ATRX: variants seen among roughly 807,000 people sequenced by gnomAD.
ATRX encodes the protein ATRX chromatin remodeler, also known as chromatin remodeler ATRX.
Under a neutral mutation model 172.6 loss-of-function variants are expected in ATRX, and 12 were observed. The observed-to-expected ratio is 0.07, with a 90% CI of 0.04 to 0.11. ATRX has a LOEUF of 0.11. ATRX is among the 10% of genes least tolerant of loss of function. The pLI, the probability that ATRX is intolerant of heterozygous loss-of-function variation, is 1.00. For missense variants in ATRX, 1,368 were observed against 1,767.4 expected, an observed-to-expected ratio of 0.77 and a Z score of 4.05; for synonymous variants, 674 against 594.7, an observed-to-expected ratio of 1.13 and a Z score of -1.94.
chrX:77,570,809 T>A (rs939301179), intron 28 of ATRX, among the ~76,000 whole-genome samples: 4 of 111,350 alleles, frequency 3.6e-5, no homozygotes, highest in Non-Finnish European at 7.5e-5. Flanking sequence ...ACCATATATC[T>A]GACAAAGGAC....
chrX:77,680,072 A>G (rs1189356647), intron 9 of ATRX, among the ~76,000 whole-genome samples: 1 of 112,221 alleles, frequency 8.9e-6, no homozygotes, highest in Non-Finnish European at 1.9e-5. Flanking sequence ...ATTCCTTTAA[A>G]TGTGAATCTT....
chrX:77,508,925 A>G (rs1557035167), intron 34 of ATRX, among the ~76,000 whole-genome samples: 2 of 112,282 alleles, frequency 1.8e-5, no homozygotes, highest in Non-Finnish European at 1.9e-5. Context: ...ATTAGTTACA[A>G]CACTTTTTGT....
At chrX:77,760,171 A>G (rs1557192088) in intron 1 of ATRX, among the ~76,000 whole-genome samples, 1 of 109,122 alleles carries the variant, frequency 9.2e-6, no homozygotes, top group African/African-American at 3.3e-5. Context: ...CCAGTACTCA[A>G]TAGCCACAGA....
intron 1 of ATRX, among the ~76,000 whole-genome samples, chrX:77,741,440 T>G (rs7057296): frequency 0.5 from 50,870 of 101,780 alleles, 12,536 homozygotes; most frequent in Non-Finnish European, 0.67. Flanking sequence ...ACCTTTTTTT[T>G]GGGGGGGGGA....
intron 15 of ATRX, among the ~76,000 whole-genome samples, chrX:77,650,388 A>G (rs1557116085): frequency 8.9e-6 from 1 of 112,086 alleles, no homozygotes; most frequent in East Asian, 2.8e-4. Context: ...AAACTGTACC[A>G]CAGGGATGCA....
At chrX:77,766,813 C>T (rs2075970311) in intron 1 of ATRX, among the ~76,000 whole-genome samples, 1 of 110,320 alleles carries the variant, frequency 9.1e-6, no homozygotes, top group African/African-American at 3.3e-5. Context: ...ACTTCCCAGA[C>T]GGGGTGGCGG....
At chrX:77,716,897 G>A (rs782809873) in intron 2 of ATRX, among the ~76,000 whole-genome samples, 2 of 111,376 alleles carry the variant, frequency 1.8e-5, no homozygotes, top group East Asian at 2.8e-4. Context: ...AACCATAAAT[G>A]CTTCCTTTTC....
At chrX:77,714,375 A>T (rs782092454) in intron 2 of ATRX, among the ~76,000 whole-genome samples, 1 of 111,918 alleles carries the variant, frequency 8.9e-6, no homozygotes, top group East Asian at 2.8e-4. Flanking sequence ...GTAAAATAAC[A>T]AATTTGGGTT....
At chrX:77,763,473 TA>T (rs782021851) in intron 1 of ATRX, among the ~76,000 whole-genome samples, 11,105 of 84,044 alleles carry the variant, frequency 0.13, 1,376 homozygotes, top group African/African-American at 0.35. Flanking sequence ...TTCTTTTTTT[TA>T]AAAAAAAAAA....
At chrX:77,601,675 G>GA (rs2148165616) in intron 22 of ATRX, among the ~76,000 whole-genome samples, 1 of 111,126 alleles carries the variant, frequency 9.0e-6, no homozygotes, top group African/African-American at 3.3e-5. Context: ...TGATTAAAAG[G>GA]AAAAAACAGC....
rs965569902 is a variant in ATRX, at chrX:77,757,792, C to G, written c.20+28190G>C. On this transcript the variant is annotated intron_variant, in intron 1 of 34. Coordinates refer to ENST00000373344, the MANE Select transcript of ATRX (RefSeq NM_000489.6). ...GTTCAAGCCATTCTCCTCCCTCAGC[C>G]TCCCGAGTAGCTGGGATTACAGGCC... 9.2e-5 allele frequency among the ~76,000 whole-genome samples: 10 copies of G among 109,122 alleles called. 1 individual carries two copies. In the Admixed American group the frequency reaches 9.8e-4, roughly 11 times the overall value. The allele number at this position is 109,122 out of a possible 115,157, so 94.8% of individuals were successfully genotyped here. A position where few individuals can be genotyped will look rare whatever the true frequency, so the allele number is the denominator to read the frequency against.
intron 27 of ATRX, among the ~76,000 whole-genome samples, chrX:77,586,843 G>C (rs2148073012): frequency 9.0e-6 from 1 of 111,384 alleles, no homozygotes; most frequent in Admixed American, 9.6e-5. Flanking sequence ...TGGATCACTT[G>C]AGGCCAGGAG....
At chrX:77,751,853 C>T (rs2075313988) in intron 1 of ATRX, among the ~76,000 whole-genome samples, 2 of 111,466 alleles carry the variant, frequency 1.8e-5, no homozygotes, top group East Asian at 2.8e-4. Context: ...TCTGAGGCCT[C>T]GGTTCTGTTC....
At chrX:77,613,642 T>C (rs1557095312) in intron 22 of ATRX, among the ~76,000 whole-genome samples, 1 of 112,243 alleles carries the variant, frequency 8.9e-6, no homozygotes, top group African/African-American at 3.2e-5. Flanking sequence ...CAAATTTTGG[T>C]ATACACAGGC....
intron 27 of ATRX, among the ~76,000 whole-genome samples, chrX:77,579,796 T>C (rs1202086298): frequency 1.8e-5 from 2 of 112,050 alleles, no homozygotes; most frequent in Admixed American, 1.9e-4. Context: ...TAGAGAAATA[T>C]GACCTCATCA....
intron 19 of ATRX, among the ~76,000 whole-genome samples, 156 bp downstream of exon 19, chrX:77,633,051 T>C (rs1015266902): frequency 3.6e-5 from 4 of 112,431 alleles, no homozygotes; most frequent in African/African-American, 9.7e-5. Context: ...GATTTTATTC[T>C]ATTGAAATAC....
chrX:77,541,369 A>G (rs1396951389), intron 30 of ATRX, among the ~76,000 whole-genome samples: 1 of 112,204 alleles, frequency 8.9e-6, no homozygotes, highest in Non-Finnish European at 1.9e-5. Context: ...ATGGATTCAC[A>G]GCTGAATTCT....
At chrX:77,627,363 A>T (rs1850389550) in intron 19 of ATRX, among the ~76,000 whole-genome samples, 1 of 112,750 alleles carries the variant, frequency 8.9e-6, no homozygotes, top group Admixed American at 9.3e-5. Context: ...AATATGAATT[A>T]TAAGATAGAA....
chrX:77,598,216 T>C (rs1403789035), intron 25 of ATRX, among the ~76,000 whole-genome samples: 2 of 110,583 alleles, frequency 1.8e-5, no homozygotes, highest in African/African-American at 3.3e-5. Context: ...TTCTTACATA[T>C]AAGTAAGAGC....
Sources: gnomAD v4.1 joint callset for allele counts (sites outside exome capture counted in the v4.1 genomes callset) on GRCh38, gnomAD v4.1.1 for gene constraint, MANE v1.5 for transcripts, NCBI Gene and HGNC (gene_info 2026-07-23, HGNC 2026-07-21) for gene names.